PTPRN2: variants seen among roughly 807,000 people sequenced by gnomAD.
The protein encoded by PTPRN2 is receptor-type tyrosine-protein phosphatase N2.
Under a neutral mutation model 118.8 loss-of-function variants are expected in PTPRN2, and 74 were observed. The ratio of observed to expected loss-of-function variants is 0.62; its 90% CI spans 0.52 to 0.76. PTPRN2 has a LOEUF of 0.76. Among genes scored for constraint, PTPRN2 ranks in the 30% least tolerant of loss-of-function variants. The pLI is 0.00. For synonymous variants in PTPRN2, 641 were observed against 608.0 expected, an observed-to-expected ratio of 1.05 and a Z score of -0.80; for missense variants, 1,481 against 1,394.4, an observed-to-expected ratio of 1.06 and a Z score of -0.99.
intron 16 of PTPRN2, among the ~76,000 whole-genome samples, chr7:157,602,847 GA>G (rs1801760555): frequency 6.6e-6 from 1 of 152,246 alleles, no homozygotes; most frequent in Non-Finnish European, 1.5e-5. Flanking sequence ...GACGAGCAAA[GA>G]AACTTTGGGA....
intron 5 of PTPRN2, among the ~76,000 whole-genome samples, chr7:158,169,325 C>T (rs1362835484): frequency 2.0e-5 from 3 of 151,950 alleles, no homozygotes; most frequent in Non-Finnish European, 4.4e-5. Flanking sequence ...TCACTACAAC[C>T]TCTGCCTCCT....
At chr7:158,253,112 G>C (rs1467642695) in intron 3 of PTPRN2, among the ~76,000 whole-genome samples, 1 of 152,210 alleles carries the variant, frequency 6.6e-6, no homozygotes, top group Non-Finnish European at 1.5e-5. Flanking sequence ...CTTTAAATAT[G>C]TGTCAAGCAC....
At chr7:158,508,475 G>A (rs1447556263) in intron 1 of PTPRN2, among the ~76,000 whole-genome samples, 2 of 152,274 alleles carry the variant, frequency 1.3e-5, no homozygotes, top group East Asian at 1.9e-4. Flanking sequence ...GGGTCAGGAC[G>A]AGGGTGTGGC....
In PTPRN2 at chr7:158,074,844, G is replaced by A. The variant is rs1399707593; in HGVS notation, c.1723+6454C>T. On this transcript the variant is annotated intron_variant, in intron 11 of 22. Coordinates refer to ENST00000389418, the MANE Select transcript of PTPRN2 (RefSeq NM_002847.5). Reference sequence around the variant, plus strand: ...GTTCATTTGCAGGTGAGAACGAGCTGCTCCCATGAGTGGTATGTCCAGTGC... The same window carrying A: ...GTTCATTTGCAGGTGAGAACGAGCTACTCCCATGAGTGGTATGTCCAGTGC... Among the ~76,000 whole-genome samples, 4 of 152,208 alleles carry A rather than the reference G, an allele frequency of 2.6e-5. No individual in the cohort carries two copies. The East Asian group carries it at 7.7e-4, about 29-fold the overall frequency.
intron 2 of PTPRN2, among the ~76,000 whole-genome samples, chr7:158,418,748 A>G (rs148692074): frequency 0.033 from 3,849 of 116,354 alleles, 135 homozygotes; most frequent in African/African-American, 0.11. Flanking sequence ...GTACTACATC[A>G]AGATGCTGTA....
intron 12 of PTPRN2, among the ~76,000 whole-genome samples, chr7:157,867,335 A>C (rs184967521): frequency 5.8e-5 from 1 of 17,182 alleles, no homozygotes; most frequent in Non-Finnish European, 1.0e-4. Flanking sequence ...TGTCCCTGAC[A>C]CCCTGGATAC....
chr7:157,790,013 G>GAATGT, intron 12 of PTPRN2, among the ~76,000 whole-genome samples: 1 of 92,234 alleles, frequency 1.1e-5, no homozygotes, highest in South Asian at 5.3e-4. Context: ...GTGTTTGTGT[G>GAATGT]GTGTGAATGT....
At chr7:157,682,246 C>T (rs1389923563) in intron 13 of PTPRN2, among the ~76,000 whole-genome samples, 1 of 152,142 alleles carries the variant, frequency 6.6e-6, no homozygotes, top group East Asian at 1.9e-4. Context: ...GTCACCTTCC[C>T]CTGGTCAGCG....
At chr7:158,280,576 G>A (rs1469456628) in intron 3 of PTPRN2, among the ~76,000 whole-genome samples, 3 of 152,216 alleles carry the variant, frequency 2.0e-5, no homozygotes, top group Non-Finnish European at 4.4e-5. Context: ...ACCGGGTGGA[G>A]AGGGCAGATG....
chr7:157,542,198 C>T (rs569146232), intron 22 of PTPRN2, among the ~76,000 whole-genome samples: 1 of 152,272 alleles, frequency 6.6e-6, no homozygotes, highest in South Asian at 2.1e-4. Flanking sequence ...TGACTCCTGC[C>T]CCTCCCACAC....
At position 158,055,035 on chromosome 7, in the gene PTPRN2, G is replaced by A. The variant is rs1365994051; in HGVS notation, c.1723+26263C>T. 5.3e-5 allele frequency among the ~76,000 whole-genome samples: 8 copies of A among 152,260 alleles called. No homozygotes were observed. The East Asian group carries it at 7.7e-4, about 15-fold the overall frequency. On this transcript the variant is annotated intron_variant, in intron 11 of 22. Transcript: ENST00000389418. Reference sequence around the variant, plus strand: ...TGCCGAGGCAAGAGACTGAGGGCACGAACTGTTCCAGTGTAATAAAATATG... The same window carrying A: ...TGCCGAGGCAAGAGACTGAGGGCACAAACTGTTCCAGTGTAATAAAATATG...
intron 11 of PTPRN2, among the ~76,000 whole-genome samples, chr7:157,952,578 C>T (rs1221511559): frequency 1.3e-5 from 2 of 152,052 alleles, no homozygotes; most frequent in Non-Finnish European, 2.9e-5. Flanking sequence ...TGGTGCAGAG[C>T]TGTGGGTCTA....
intron 2 of PTPRN2, among the ~76,000 whole-genome samples, chr7:158,412,383 A>G (rs1322358766): frequency 3.1e-4 from 15 of 49,050 alleles, no homozygotes; most frequent in East Asian, 1.4e-3. Flanking sequence ...ACCCTCCTCA[A>G]CACCAGGGCC....
rs192415292 is a variant in PTPRN2, at chr7:157,807,151, G to A, written c.1788+91522C>T. On this transcript the variant is annotated intron_variant, in intron 12 of 22. Coordinates refer to ENST00000389418, the MANE Select transcript of PTPRN2 (RefSeq NM_002847.5). The stretch of plus-strand genomic sequence containing the variant: ...GTAGCTGGCAAAGCTGTAGGTGAAC[G>A]GTTTGTACCACCAGGGAACTGTGCC... Among the ~76,000 whole-genome samples, 88 of 152,344 alleles carry A rather than the reference G, an allele frequency of 5.8e-4. 2 individuals are homozygous for A. Among genetic ancestry groups the A allele is most frequent in the African/African-American group, 2.0e-3 (85 of 41,580 alleles).
rs962588207 is a variant in PTPRN2 at position 157,690,931 on chromosome 7, G to C, written c.1789-7994C>G. Among the ~76,000 whole-genome samples the C allele has an allele frequency of 2.1e-5, 3 of 145,596 alleles. No homozygotes were observed. The highest frequency in any genetic ancestry group is 4.6e-5 in the Non-Finnish European group (3 of 65,540). ...GGCGGGCTCAGGGCGGGCTCCGGAC[G>C]GTCCCGGTAGGGCCGCCGGCCGCGC... On this transcript the variant is annotated intron_variant, in intron 12 of 22. Coordinates refer to ENST00000389418, the MANE Select transcript of PTPRN2 (RefSeq NM_002847.5). This position sits in a 1 kb window ranked among gnomAD's most constrained non-coding sequence, Gnocchi z 7.1.
At chr7:158,309,779 T>G (rs1018853487) in intron 3 of PTPRN2, among the ~76,000 whole-genome samples, 2 of 152,200 alleles carry the variant, frequency 1.3e-5, no homozygotes, top group Non-Finnish European at 2.9e-5. Flanking sequence ...ACTATGGTCA[T>G]AGAATACACA....
intron 12 of PTPRN2, among the ~76,000 whole-genome samples, chr7:157,773,015 C>G (rs1209648752): frequency 6.6e-6 from 1 of 152,152 alleles, no homozygotes; most frequent in East Asian, 1.9e-4. Context: ...AGTGATACAA[C>G]CAGCTTCCCA....
At chr7:158,251,824 C>G (rs531076667) in intron 3 of PTPRN2, among the ~76,000 whole-genome samples, 10 of 152,186 alleles carry the variant, frequency 6.6e-5, no homozygotes, top group Admixed American at 5.2e-4. Flanking sequence ...AGACACACAC[C>G]TTAATAAAGC....
intron 2 of PTPRN2, among the ~76,000 whole-genome samples, chr7:158,325,148 G>A (rs539886486): frequency 8.0e-6 from 1 of 124,946 alleles, no homozygotes; most frequent in African/African-American, 3.1e-5. Context: ...ATTCTCCACA[G>A]AGATCCAAGG....
Sources: allele counts gnomAD v4.1 joint callset (sites outside exome capture counted in the v4.1 genomes callset), GRCh38; gene constraint gnomAD v4.1.1; non-coding constraint Gnocchi (gnomAD v3.1); transcripts MANE v1.5; gene names NCBI Gene and HGNC (gene_info 2026-07-23, HGNC 2026-07-21).